Variants in COL5A2 observed in about 807,000 individuals in gnomAD.
COL5A2 encodes collagen type V alpha 2 chain, also known as collagen alpha-2(V) chain.
In COL5A2, 23 loss-of-function variants were observed where a neutral mutation model predicts 208.2. The observed-to-expected ratio is 0.11, with a 90% CI of 0.08 to 0.16. COL5A2 has a LOEUF of 0.16. Ranked by LOEUF, COL5A2 falls within the 10% of genes least tolerant of loss-of-function variation. The pLI is 1.00. For missense variants in COL5A2, 1,590 were observed against 1,956.4 expected (o/e 0.81, Z 3.53); for synonymous variants, 625 against 628.5 (o/e 0.99, Z 0.08).
chr2:189,337,551 A>G, the COL5A2 span, among the ~76,000 whole-genome samples: 2 of 152,218 alleles, frequency 1.3e-5, no homozygotes, highest in East Asian at 3.8e-4. Context: ...GAATTGTGGG[A>G]TTAATCCAAA....
the COL5A2 span, among the ~76,000 whole-genome samples, chr2:189,244,276 T>G: frequency 3.9e-5 from 6 of 152,342 alleles, no homozygotes; most frequent in South Asian, 2.1e-4. Flanking sequence ...TTGCAAAATT[T>G]TATGCTCTGT....
chr2:189,315,281 T>C, the COL5A2 span, among the ~76,000 whole-genome samples: 1 of 152,130 alleles, frequency 6.6e-6, no homozygotes, highest in Non-Finnish European at 1.5e-5. Flanking sequence ...TGGTTCAATA[T>C]ACACAAGTCA....
At chr2:189,278,213 A>G in the COL5A2 span, among the ~76,000 whole-genome samples, 5 of 152,176 alleles carry the variant, frequency 3.3e-5, no homozygotes, top group African/African-American at 9.6e-5. Flanking sequence ...CTGGTCAGAC[A>G]TTGGGCAGTA....
chr2:189,140,538 T>C (rs920899909), intron 1 of COL5A2, among the ~76,000 whole-genome samples: 17 of 152,184 alleles, frequency 1.1e-4, no homozygotes, highest in African/African-American at 3.6e-4. Flanking sequence ...GAAAAATCTA[T>C]GTATGTATAT....
At chr2:189,406,547 C>T in the COL5A2 span, among the ~76,000 whole-genome samples, 1 of 152,136 alleles carries the variant, frequency 6.6e-6, no homozygotes, top group Non-Finnish European at 1.5e-5. Flanking sequence ...CTAAGCTTCA[C>T]CAGAAAATGT....
At chr2:189,139,690 T>C (rs956154434) in intron 1 of COL5A2, among the ~76,000 whole-genome samples, 5 of 152,210 alleles carry the variant, frequency 3.3e-5, no homozygotes, top group African/African-American at 4.8e-5. Context: ...GAGGGAAAAT[T>C]GGGTCTAGAT....
the COL5A2 span, among the ~76,000 whole-genome samples, chr2:189,375,699 C>T: frequency 6.6e-6 from 1 of 151,934 alleles, no homozygotes; most frequent in Non-Finnish European, 1.5e-5. Context: ...AAGATAGATC[C>T]AAAGTGGTTA....
chr2:189,319,510 G>T, the COL5A2 span, among the ~76,000 whole-genome samples: 1 of 141,382 alleles, frequency 7.1e-6, no homozygotes, highest in Non-Finnish European at 1.6e-5. Flanking sequence ...AGCACACCAG[G>T]AGATTATATC....
the COL5A2 span, among the ~76,000 whole-genome samples, chr2:189,388,975 C>T: frequency 6.6e-6 from 1 of 152,122 alleles, no homozygotes; most frequent in East Asian, 1.9e-4. Context: ...AACATTCTAT[C>T]GCAAGCAAGC....
chr2:189,233,902 T>G, the COL5A2 span, among the ~76,000 whole-genome samples: 1 of 151,744 alleles, frequency 6.6e-6, no homozygotes, highest in Non-Finnish European at 1.5e-5. Context: ...GGCAATGGGT[T>G]TATCACCACA....
At chr2:189,320,496 G>A in the COL5A2 span, among the ~76,000 whole-genome samples, 1 of 152,182 alleles carries the variant, frequency 6.6e-6, no homozygotes, top group Admixed American at 6.5e-5. Context: ...TGAAAACCAT[G>A]GCACGAGAAC....
Position 189,205,300 on chromosome 2 carries a change from T to C in COL5A2, c.-42+19848A>G, listed in dbSNP as rs183961657. Reference sequence around the variant, plus strand: ...ACCAGACACTGTGCTAAGTGCTTTATGTGGATTATTTCATTAGCACAGACA... The same window carrying C: ...ACCAGACACTGTGCTAAGTGCTTTACGTGGATTATTTCATTAGCACAGACA... On this transcript the variant is annotated intron_variant, in intron 1 of 10. Coordinates refer to the COL5A2 transcript ENST00000649966. Among the ~76,000 whole-genome samples, 551 of 152,362 alleles carry C rather than the reference T, an allele frequency of 3.6e-3. 2 individuals carry two copies. The highest frequency in any genetic ancestry group is 4.8e-3 in the Non-Finnish European group (329 of 68,036).
intron 1 of COL5A2, among the ~76,000 whole-genome samples, chr2:189,150,695 C>A (rs1688125713): frequency 1.3e-5 from 2 of 152,082 alleles, no homozygotes; most frequent in Admixed American, 6.6e-5. Context: ...TTTATTGGAA[C>A]CTCTACTATT....
chr2:189,222,435 T>G (rs976816904), intron 1 of COL5A2, among the ~76,000 whole-genome samples: 2 of 152,208 alleles, frequency 1.3e-5, no homozygotes, highest in African/African-American at 2.4e-5. Flanking sequence ...AAATATGTTA[T>G]CAAGTATGAT....
At chr2:189,104,206 G>C in intron 3 of COL5A2, 58 bp downstream of exon 3, 2 of 1,209,314 alleles carry the variant, frequency 1.7e-6, no homozygotes, top group Non-Finnish European at 2.5e-6. Flanking sequence ...AGTTCTGTGT[G>C]GATAGTATTG....
rs907875450 is a variant in COL5A2, at chr2:189,034,114, C to T, written c.4456G>A (p.Asp1486Asn). The T allele has an allele frequency of 1.2e-6, 2 of 1,614,036 alleles. No individual in the cohort carries two copies. The highest frequency in any genetic ancestry group is 1.7e-5 in the Admixed American group (1 of 60,002). Residue 1486 changes from aspartate (D) to asparagine (N), a missense_variant, in exon 54 of 54, where the codon GAC becomes AAC. Transcript: ENST00000374866. ...DLAPVDVGGT[D>N]QEFGVEIGPV... ...CCAATTTCAACGCCGAATTCCTGGT[C>T]TGTGCCGCCAACATCCACAGGAGCA...
At chr2:189,127,749 T>G (rs1687634995) in intron 1 of COL5A2, among the ~76,000 whole-genome samples, 1 of 152,028 alleles carries the variant, frequency 6.6e-6, no homozygotes, top group Non-Finnish European at 1.5e-5. Flanking sequence ...CTTGCCTGAT[T>G]CAAATCCATT....
At chr2:189,058,403 A>G (rs1685947863) in intron 33 of COL5A2, 26 bp downstream of exon 33, 1 of 1,572,324 alleles carries the variant, frequency 6.4e-7, no homozygotes, top group Non-Finnish European at 8.8e-7. Context: ...AGCATTTTAA[A>G]ACACTGAGAT....
chr2:189,179,102 CAA>C lies in COL5A2; in HGVS notation c.97+404_97+405del, dbSNP rs1277736602. ...TTTATGAAGCAGCTGAAGTTCAGTACAAAAAGACTCCACCCTACCCAGCTTCT... is the reference window on the plus strand; with the variant it reads ...TTTATGAAGCAGCTGAAGTTCAGTACAAAGACTCCACCCTACCCAGCTTCT... On this transcript the variant is annotated intron_variant, in intron 1 of 53. Coordinates refer to ENST00000374866, the MANE Select transcript of COL5A2 (RefSeq NM_000393.5). 2.0e-5 allele frequency among the ~76,000 whole-genome samples: 3 copies of C among 152,152 alleles called. No homozygotes were observed. The East Asian group carries it at 5.8e-4, about 29-fold the overall frequency.
Sources: allele counts gnomAD v4.1 joint callset (sites outside exome capture counted in the v4.1 genomes callset), GRCh38; gene constraint gnomAD v4.1.1; transcripts MANE v1.5; gene names NCBI Gene and HGNC (gene_info 2026-07-23, HGNC 2026-07-21).